Variants in MAGI1 observed in about 807,000 individuals in gnomAD.
MAGI1 encodes the protein membrane associated guanylate kinase, WW and PDZ domain containing 1, also known as membrane-associated guanylate kinase, WW and PDZ domain-containing protein 1.
A neutral mutation model predicts 139.9 loss-of-function variants in MAGI1; 58 were observed. That is an observed-to-expected ratio of 0.41 (90% CI 0.34 to 0.52). The LOEUF (loss-of-function observed/expected upper bound fraction) is 0.52, where lower values mean the gene tolerates loss of function less well. Ranked by LOEUF, MAGI1 falls within the 20% of genes least tolerant of loss-of-function variation. The pLI is 0.12. For missense variants in MAGI1, 1,874 were observed against 1,901.6 expected (o/e 0.99, Z 0.27); for synonymous variants, 812 against 737.9 (o/e 1.10, Z -1.63).
intron 1 of MAGI1, among the ~76,000 whole-genome samples, chr3:65,847,005 A>C (rs1361630596): frequency 5.4e-5 from 8 of 148,576 alleles, no homozygotes; most frequent in Non-Finnish European, 1.0e-4. Context: ...AACCCTAAGC[A>C]CATTTGTTTA....
chr3:65,839,444 G>T (rs2058733772), intron 1 of MAGI1, among the ~76,000 whole-genome samples: 1 of 151,640 alleles, frequency 6.6e-6, no homozygotes, highest in Non-Finnish European at 1.5e-5. Flanking sequence ...CCTCAAGCAG[G>T]TCCTTCAGGA....
At chr3:65,688,339 A>T (rs1295124655) in intron 1 of MAGI1, 2 of 669,094 alleles carry the variant, frequency 3.0e-6, no homozygotes, top group Non-Finnish European at 5.7e-6. Context: ...TCTACCTGGG[A>T]TGGAGTGATA....
chr3:65,979,009 T>C (rs2065410139), intron 1 of MAGI1, among the ~76,000 whole-genome samples: 2 of 151,254 alleles, frequency 1.3e-5, no homozygotes, highest in Non-Finnish European at 2.9e-5. Context: ...AGCCCAACTA[T>C]CCATCTCACT....
intron 1 of MAGI1, among the ~76,000 whole-genome samples, chr3:65,857,193 CAG>C (rs34687510): frequency 0.14 from 21,084 of 152,092 alleles, 1,525 homozygotes; most frequent in African/African-American, 0.17. Context: ...GAACAGGAAA[CAG>C]AGCTAATCTT....
chr3:65,381,685 A>C (rs1943065969), intron 16 of MAGI1, among the ~76,000 whole-genome samples, 192 bp downstream of exon 16: 1 of 152,160 alleles, frequency 6.6e-6, no homozygotes, highest in African/African-American at 2.4e-5. Context: ...TGCAAACGGC[A>C]CATTAAAGTA....
chr3:65,866,779 A>G (rs2059743435), intron 1 of MAGI1, among the ~76,000 whole-genome samples: 1 of 149,798 alleles, frequency 6.7e-6, no homozygotes, highest in African/African-American at 2.5e-5. Context: ...ATGTTCATCA[A>G]ATCAGCTAGG....
rs756845210 is a variant in MAGI1 at position 65,576,125 on chromosome 3, ATTACT to A, written c.430+45842_430+45846del. 3.3e-5 allele frequency among the ~76,000 whole-genome samples: 5 copies of A among 152,284 alleles called. No individual in the cohort carries two copies. In the South Asian group the frequency reaches 8.3e-4, roughly 25 times the overall value. On this transcript the variant is annotated intron_variant, in intron 2 of 22. Transcript: ENST00000402939. ...GATATTTGTCTAATTTTGTTTTCTA[ATTACT>A]TTATGTATATATACACACAGATTTT...
intron 12 of MAGI1, among the ~76,000 whole-genome samples, chr3:65,423,649 C>T (rs1230066225): frequency 6.6e-6 from 1 of 152,206 alleles, no homozygotes; most frequent in Admixed American, 6.5e-5. Flanking sequence ...AGTGTTTAAG[C>T]ACTGTCTGGA....
At chr3:65,637,862 C>T (rs554451094) in intron 1 of MAGI1, among the ~76,000 whole-genome samples, 1 of 152,076 alleles carries the variant, frequency 6.6e-6, no homozygotes, top group Non-Finnish European at 1.5e-5. Context: ...CTTTGAAATT[C>T]TTATTTATAT....
chr3:65,855,630 G>GA (rs1344629696), intron 1 of MAGI1, among the ~76,000 whole-genome samples: 2 of 115,710 alleles, frequency 1.7e-5, no homozygotes, highest in Admixed American at 9.0e-5. Flanking sequence ...AGAGAGGGGA[G>GA]GGGAAGGGAG....
At chr3:65,605,652 A>AT (rs2106879547) in intron 2 of MAGI1, among the ~76,000 whole-genome samples, 1 of 152,314 alleles carries the variant, frequency 6.6e-6, no homozygotes, top group Non-Finnish European at 1.5e-5. Flanking sequence ...CTTTCAGCAG[A>AT]TAAGAGTTAA....
chr3:65,905,412 T>G lies in MAGI1; in HGVS notation c.313+132584A>C, dbSNP rs984250510. Among the ~76,000 whole-genome samples the G allele has an allele frequency of 4.2e-5, 6 of 142,244 alleles. No individual in the cohort carries two copies. The East Asian group carries it at 6.2e-4, about 15-fold the overall frequency. 93.3% of individuals were successfully genotyped at this position (142,244 alleles called of 152,430 possible). A position where few individuals can be genotyped will look rare whatever the true frequency, so the allele number is the denominator to read the frequency against. ...CTGGGCAACCTAGTGAGACCTCATC[T>G]CTATGAAATATTTTTTTTTTCTAAT... On this transcript the variant is annotated intron_variant, in intron 1 of 22. Transcript: ENST00000402939.
intron 12 of MAGI1, among the ~76,000 whole-genome samples, chr3:65,412,379 C>T (rs1213446329): frequency 6.6e-6 from 1 of 152,154 alleles, no homozygotes; most frequent in Non-Finnish European, 1.5e-5. Context: ...CTGAAGTGGC[C>T]CTTTTCTGAC....
chr3:65,537,839 C>G (rs2079031468), intron 2 of MAGI1, among the ~76,000 whole-genome samples: 1 of 152,126 alleles, frequency 6.6e-6, no homozygotes, highest in Admixed American at 6.5e-5. Context: ...TTAAATGTAT[C>G]AAACACGGTG....
At chr3:65,735,307 G>T (rs1040628067) in intron 1 of MAGI1, among the ~76,000 whole-genome samples, 2 of 151,720 alleles carry the variant, frequency 1.3e-5, no homozygotes, top group African/African-American at 2.4e-5. Context: ...TTTTGGGGGG[G>T]TTCTCATTTT....
At chr3:66,004,715 G>A (rs1258971560) in intron 1 of MAGI1, among the ~76,000 whole-genome samples, 1 of 152,178 alleles carries the variant, frequency 6.6e-6, no homozygotes, top group East Asian at 1.9e-4. Context: ...ATCTGCCATT[G>A]CAGACAAACC....
intron 2 of MAGI1, among the ~76,000 whole-genome samples, chr3:65,506,270 T>A (rs966465562): frequency 1.3e-5 from 2 of 152,164 alleles, no homozygotes; most frequent in Admixed American, 1.3e-4. Context: ...GAGGATTACA[T>A]GAGATAACAC....
intron 13 of MAGI1, among the ~76,000 whole-genome samples, chr3:65,392,626 GA>G (rs996653028): frequency 3.3e-5 from 5 of 152,030 alleles, no homozygotes; most frequent in African/African-American, 1.2e-4. Context: ...CTGTCTCCCC[GA>G]GTATCCTTCA....
At chr3:65,380,854 G>A (rs1942992670) in intron 16 of MAGI1, 1 of 151,854 alleles carries the variant, frequency 6.6e-6, no homozygotes, top group East Asian at 1.9e-4. Flanking sequence ...AGGATTGTGA[G>A]GTCACAAACA....
Sources: gnomAD v4.1 joint callset for allele counts (sites outside exome capture counted in the v4.1 genomes callset) on GRCh38, gnomAD v4.1.1 for gene constraint, MANE v1.5 for transcripts, NCBI Gene and HGNC (gene_info 2026-07-23, HGNC 2026-07-21) for gene names.